DCLK1: variants seen among roughly 807,000 people sequenced by gnomAD.
The protein encoded by DCLK1 is doublecortin like kinase 1.
A neutral mutation model predicts 86.2 loss-of-function variants in DCLK1; 16 were observed. That is an observed-to-expected ratio of 0.19 (90% CI 0.13 to 0.28). The LOEUF (loss-of-function observed/expected upper bound fraction) is 0.28, where lower values mean the gene tolerates loss of function less well. Ranked by LOEUF, DCLK1 falls within the 10% of genes least tolerant of loss-of-function variation. The probability of loss-of-function intolerance (pLI) is 1.00; values close to 1 mark genes in which losing one functional copy is unlikely to be tolerated. For missense variants in DCLK1, 590 were observed against 940.2 expected, an observed-to-expected ratio of 0.63 and a Z score of 4.87; for synonymous variants, 369 against 370.5, an observed-to-expected ratio of 1.00 and a Z score of 0.05.
chr13:36,107,335 ATTTTTTT>A (rs10670428), intron 3 of DCLK1, among the ~76,000 whole-genome samples: 10,473 of 110,266 alleles, frequency 0.095, 532 homozygotes, highest in African/African-American at 0.21. Context: ...GCAGTGGTAG[ATTTTTTT>A]TTTTTTTTTT....
intron 3 of DCLK1, among the ~76,000 whole-genome samples, chr13:35,978,182 G>GTTTTT (rs71081300): frequency 8.2e-6 from 1 of 122,074 alleles, no homozygotes; most frequent in Non-Finnish European, 1.7e-5. Flanking sequence ...TAGAGTTCCA[G>GTTTTT]TTTTTTTTTT....
At chr13:36,013,347 A>G (rs1881370988) in intron 3 of DCLK1, among the ~76,000 whole-genome samples, 1 of 150,198 alleles carries the variant, frequency 6.7e-6, no homozygotes, top group Admixed American at 6.6e-5. Flanking sequence ...TTTTTTCCCC[A>G]TCTTTGTGGT....
At chr13:35,826,207 A>C (rs9545507) in intron 10 of DCLK1, among the ~76,000 whole-genome samples, 100,093 of 151,454 alleles carry the variant, frequency 0.66, 34,511 homozygotes, top group Non-Finnish European at 0.75. Flanking sequence ...CTTGTTACTA[A>C]AAAAAGGCTC....
intron 3 of DCLK1, among the ~76,000 whole-genome samples, chr13:36,108,096 A>C (rs1885468577): frequency 6.6e-6 from 1 of 151,340 alleles, no homozygotes; most frequent in South Asian, 2.1e-4. Context: ...AAAATGCATC[A>C]CTGAAATTAA....
chr13:35,802,165 T>C (rs76700190), intron 15 of DCLK1, among the ~76,000 whole-genome samples: 6,225 of 152,064 alleles, frequency 0.041, 198 homozygotes, highest in Middle Eastern at 0.078. Context: ...AATCTCTACA[T>C]ATAATTTTTC....
chr13:36,075,347 T>A (rs1180242900), intron 3 of DCLK1, among the ~76,000 whole-genome samples: 1 of 152,188 alleles, frequency 6.6e-6, no homozygotes, highest in Non-Finnish European at 1.5e-5. Flanking sequence ...ATAACACACT[T>A]TTTATCACGC....
At chr13:36,054,584 C>G (rs1029398759) in intron 3 of DCLK1, among the ~76,000 whole-genome samples, 15 of 151,976 alleles carry the variant, frequency 9.9e-5, no homozygotes, top group African/African-American at 3.4e-4. Context: ...GATAGAATGT[C>G]AGGTAGTCAC....
intron 3 of DCLK1, among the ~76,000 whole-genome samples, chr13:36,058,395 T>C (rs1186322485): frequency 6.6e-6 from 1 of 152,046 alleles, no homozygotes; most frequent in East Asian, 1.9e-4. Flanking sequence ...GAACCAGATA[T>C]TAGTGCCAAG....
At chr13:35,823,298 G>A (rs73176184) in intron 10 of DCLK1, among the ~76,000 whole-genome samples, 29,671 of 151,504 alleles carry the variant, frequency 0.2, 3,361 homozygotes, top group East Asian at 0.4. Context: ...TGAGGAACAG[G>A]TAATACTGCA....
rs74044278 is a variant in DCLK1 at position 36,007,616 on chromosome 13, T to C, written c.724-60159A>G. Among the ~76,000 whole-genome samples the C allele has an allele frequency of 4.6e-3, 703 of 152,308 alleles. 11 individuals are homozygous for C. Among genetic ancestry groups the C allele is most frequent in the African/African-American group, 0.016 (669 of 41,558 alleles). On this transcript the variant is annotated intron_variant, in intron 3 of 16. Coordinates refer to ENST00000360631, the MANE Select transcript of DCLK1 (RefSeq NM_001330071.2). ...TAAGGGAACCGGAAGATATTCTATATTGTAAGAATATTGAATATATTCTAT... is the reference window on the plus strand; with the variant it reads ...TAAGGGAACCGGAAGATATTCTATACTGTAAGAATATTGAATATATTCTAT...
At chr13:35,913,700 A>C (rs1219167266) in intron 4 of DCLK1, among the ~76,000 whole-genome samples, 1 of 150,386 alleles carries the variant, frequency 6.6e-6, no homozygotes, top group Non-Finnish European at 1.5e-5. Flanking sequence ...CTTGTTATTC[A>C]TTGTTCCTAA....
intron 3 of DCLK1, among the ~76,000 whole-genome samples, chr13:35,951,413 C>T (rs1284704966): frequency 6.7e-6 from 1 of 150,164 alleles, no homozygotes; most frequent in African/African-American, 2.5e-5. Context: ...AGGGCTTGTT[C>T]TTTCCTATGT....
chr13:36,127,847 G>T (rs1195038311), intron 1 of DCLK1, among the ~76,000 whole-genome samples: 1 of 152,186 alleles, frequency 6.6e-6, no homozygotes, highest in African/African-American at 2.4e-5. Context: ...GTGGAGCCTT[G>T]CAGGGGAATC....
chr13:36,046,152 A>T (rs1229514612), intron 3 of DCLK1, among the ~76,000 whole-genome samples: 2 of 152,232 alleles, frequency 1.3e-5, no homozygotes, highest in East Asian at 3.9e-4. Flanking sequence ...CTTTTCTAAT[A>T]AGAATTTCTC....
rs910796667 is a variant in DCLK1 at position 36,076,024 on chromosome 13, CA to C, written c.723+35844del. Reference sequence around the variant, plus strand: ...TGGGCAACGGAAGCAGGCTCCGTCTCAAAAAAAATGCTAATTTTGTCTTCTT... The same window carrying C: ...TGGGCAACGGAAGCAGGCTCCGTCTCAAAAAAATGCTAATTTTGTCTTCTT... On this transcript the variant is annotated intron_variant, in intron 3 of 16. Coordinates refer to ENST00000360631, the MANE Select transcript of DCLK1 (RefSeq NM_001330071.2). Among the ~76,000 whole-genome samples, 8 of 151,920 alleles carry C rather than the reference CA, an allele frequency of 5.3e-5. No homozygotes were observed. In the East Asian group the frequency reaches 1.4e-3, roughly 26 times the overall value.
intron 4 of DCLK1, among the ~76,000 whole-genome samples, chr13:35,913,002 A>T (rs191144337): frequency 8.3e-4 from 126 of 152,296 alleles, no homozygotes; most frequent in African/African-American, 2.9e-3. Flanking sequence ...TCCTTCCTGC[A>T]AAAGGTTGAG....
chr13:35,940,162 A>G (rs1877000631), intron 4 of DCLK1, among the ~76,000 whole-genome samples: 1 of 150,976 alleles, frequency 6.6e-6, no homozygotes, highest in Non-Finnish European at 1.5e-5. Context: ...TGGAGGTTGC[A>G]GTGAGCCGAG....
chr13:35,964,683 G>C, intron 3 of DCLK1, among the ~76,000 whole-genome samples: 1 of 151,812 alleles, frequency 6.6e-6, no homozygotes, highest in East Asian at 1.9e-4. Flanking sequence ...ATTCTTGGAA[G>C]CTATGACTTC....
chr13:36,116,912 G>A (rs1885811600), intron 2 of DCLK1, among the ~76,000 whole-genome samples: 1 of 152,126 alleles, frequency 6.6e-6, no homozygotes, highest in South Asian at 2.1e-4. Flanking sequence ...CATTTTATGA[G>A]GCAACTCAGA....
Sources: allele counts gnomAD v4.1 joint callset (sites outside exome capture counted in the v4.1 genomes callset), GRCh38; gene constraint gnomAD v4.1.1; transcripts MANE v1.5; gene names NCBI Gene and HGNC (gene_info 2026-07-23, HGNC 2026-07-21).